The following SOX5 variants were observed in gnomAD, a reference collection of about 807,000 sequenced individuals.
The protein encoded by SOX5 is SRY-box transcription factor 5, also known as transcription factor SOX-5.
Under a neutral mutation model 92.0 loss-of-function variants are expected in SOX5, and 9 were observed. The ratio of observed to expected loss-of-function variants is 0.10; its 90% CI spans 0.06 to 0.17. SOX5 has a LOEUF of 0.17. Ranked by LOEUF, SOX5 falls within the 10% of genes least tolerant of loss-of-function variation. SOX5 has a pLI of 1.00. For synonymous variants in SOX5, 344 were observed against 336.3 expected (o/e 1.02, Z -0.25); for missense variants, 642 against 944.5 (o/e 0.68, Z 4.20).
intron 4 of SOX5, among the ~76,000 whole-genome samples, 181 bp downstream of exon 4, chr12:23,755,453 CACAA>C (rs1189473363): frequency 1.3e-5 from 2 of 151,602 alleles, no homozygotes; most frequent in Admixed American, 6.6e-5. Context: ...TTCCATAAGG[CACAA>C]ACAAAGAAAG....
At chr12:24,445,074 T>C (rs1161644885) in intron 1 of SOX5, among the ~76,000 whole-genome samples, 3 of 152,206 alleles carry the variant, frequency 2.0e-5, no homozygotes, top group Non-Finnish European at 2.9e-5. Context: ...AGGACTGACA[T>C]TAGTCTCTAA....
intron 9 of SOX5, among the ~76,000 whole-genome samples, chr12:23,590,558 A>C (rs886706762): frequency 1.3e-5 from 2 of 151,976 alleles, no homozygotes; most frequent in African/African-American, 2.4e-5. Flanking sequence ...TATGTTACAA[A>C]GTTTCTTCCT....
chr12:24,442,712 A>C (rs963314661), intron 1 of SOX5, among the ~76,000 whole-genome samples: 1 of 152,158 alleles, frequency 6.6e-6, no homozygotes, highest in African/African-American at 2.4e-5. Flanking sequence ...ATATTAGACA[A>C]ACATCAAAGA....
chr12:24,310,962 G>A (rs1949105782), intron 2 of SOX5, among the ~76,000 whole-genome samples: 1 of 151,992 alleles, frequency 6.6e-6, no homozygotes, highest in South Asian at 2.1e-4. Flanking sequence ...GACATGTCAA[G>A]CTTAGAACAC....
At chr12:24,350,686 A>G (rs1442583544) in intron 2 of SOX5, among the ~76,000 whole-genome samples, 8 of 152,080 alleles carry the variant, frequency 5.3e-5, no homozygotes, top group Non-Finnish European at 2.9e-5. Context: ...AAAAATGGAG[A>G]TAAGGGAATC....
At chr12:23,539,613 A>AG (rs1214005577) in intron 13 of SOX5, among the ~76,000 whole-genome samples, 1 of 151,982 alleles carries the variant, frequency 6.6e-6, no homozygotes, top group East Asian at 1.9e-4. Flanking sequence ...CTTAAAAAAA[A>AG]AAAAAAAGAG....
intron 4 of SOX5, among the ~76,000 whole-genome samples, chr12:24,149,493 A>G (rs1490696721): frequency 2.6e-5 from 4 of 152,206 alleles, no homozygotes; most frequent in African/African-American, 9.6e-5. Flanking sequence ...GTAAATTAAA[A>G]TGACAGATAA....
chr12:23,808,692 G>A (rs1020872312), intron 3 of SOX5, among the ~76,000 whole-genome samples: 7 of 151,912 alleles, frequency 4.6e-5, no homozygotes, highest in African/African-American at 1.7e-4. Flanking sequence ...TTATGGATTA[G>A]GATACTTGCT....
chr12:23,972,230 T>C (rs1948423879), intron 4 of SOX5, among the ~76,000 whole-genome samples: 1 of 152,222 alleles, frequency 6.6e-6, no homozygotes, highest in South Asian at 2.1e-4. Flanking sequence ...TTGAGTATTT[T>C]TACTTAGGAG....
In SOX5 at chr12:23,615,948, C is replaced by T. The variant is rs575910553; in HGVS notation, c.1018-11415G>A. Among the ~76,000 whole-genome samples, 73 of 152,230 alleles carry T rather than the reference C, an allele frequency of 4.8e-4. 1 individual carries two copies. The highest frequency in any genetic ancestry group is 3.4e-3 in the Middle Eastern group (1 of 294). On this transcript the variant is annotated intron_variant, in intron 8 of 14. Transcript: ENST00000451604. ...TTATCAAAATATTCATAATAATAAA[C>T]ACCATAATGGTGGAAAAAGGTAATA...
chr12:23,682,504 T>C (rs1334619687), intron 6 of SOX5, among the ~76,000 whole-genome samples: 8 of 151,834 alleles, frequency 5.3e-5, no homozygotes, highest in South Asian at 2.1e-4. Context: ...TTCTCATTAA[T>C]GTGTGGGTGG....
At position 23,694,667 on chromosome 12, in the gene SOX5, C is replaced by T. The variant is rs554781598; in HGVS notation, c.811-29103G>A. Among the ~76,000 whole-genome samples the T allele has an allele frequency of 6.6e-5, 10 of 152,286 alleles. No homozygotes were observed. The East Asian group carries it at 1.9e-3, about 29-fold the overall frequency. On this transcript the variant is annotated intron_variant, in intron 6 of 14. Coordinates refer to ENST00000451604, the MANE Select transcript of SOX5 (RefSeq NM_006940.6). ...CATAGAATAATTCTATCACCACAAA[C>T]ACCCTGTACTCATTTTGAAGTAATT...
chr12:23,823,991 T>C (rs1181411346), intron 3 of SOX5, among the ~76,000 whole-genome samples: 1 of 152,264 alleles, frequency 6.6e-6, no homozygotes, highest in Non-Finnish European at 1.5e-5. Context: ...TTCTCTAAAC[T>C]GGTTATTCTA....
intron 9 of SOX5, among the ~76,000 whole-genome samples, chr12:23,599,297 C>T (rs1346876547): frequency 1.3e-5 from 2 of 152,206 alleles, no homozygotes; most frequent in South Asian, 2.1e-4. Context: ...GTCTGGTCAG[C>T]TGGTTAGGGC....
chr12:23,956,088 T>C (rs1948827821), intron 4 of SOX5, among the ~76,000 whole-genome samples: 1 of 152,214 alleles, frequency 6.6e-6, no homozygotes, highest in Admixed American at 6.5e-5. Flanking sequence ...CTGAGGTAAG[T>C]ATGAAAATGT....
At chr12:24,059,057 G>T (rs1293392586) in intron 4 of SOX5, among the ~76,000 whole-genome samples, 1 of 151,828 alleles carries the variant, frequency 6.6e-6, no homozygotes, top group African/African-American at 2.4e-5. Flanking sequence ...CATTTCAGGG[G>T]TTTAAAATTA....
intron 4 of SOX5, among the ~76,000 whole-genome samples, chr12:24,046,243 T>C (rs555758374): frequency 1.3e-5 from 2 of 148,736 alleles, no homozygotes; most frequent in South Asian, 4.4e-4. Flanking sequence ...AAGAAGAGAA[T>C]TTCTAAAAGG....
chr12:24,330,345 A>G (rs1331224417), intron 2 of SOX5, among the ~76,000 whole-genome samples: 1 of 152,182 alleles, frequency 6.6e-6, no homozygotes, highest in Non-Finnish European at 1.5e-5. Context: ...AATGTTCAAG[A>G]TGAAAGGAAA....
intron 3 of SOX5, among the ~76,000 whole-genome samples, chr12:24,254,688 G>A (rs1216937593): frequency 6.9e-6 from 1 of 144,482 alleles, no homozygotes; most frequent in Non-Finnish European, 1.5e-5. Flanking sequence ...GTTGGGGACT[G>A]TCCATATTCT....
Sources: gnomAD v4.1 joint callset for allele counts (sites outside exome capture counted in the v4.1 genomes callset) on GRCh38, gnomAD v4.1.1 for gene constraint, MANE v1.5 for transcripts, NCBI Gene and HGNC (gene_info 2026-07-23, HGNC 2026-07-21) for gene names.